Variants in RYR3 observed in about 807,000 individuals in gnomAD.
RYR3 encodes the protein brain ryanodine receptor-calcium release channel.
In RYR3, 207 loss-of-function variants were observed where a neutral mutation model predicts 584.3. That is an observed-to-expected ratio of 0.35 (90% CI 0.32 to 0.40). The LOEUF is 0.40. Among genes scored for constraint, RYR3 ranks in the 10% least tolerant of loss-of-function variants. The pLI, the probability that RYR3 is intolerant of heterozygous loss-of-function variation, is 1.00. For synonymous variants in RYR3, 2,416 were observed against 2,248.5 expected (o/e 1.07, Z -2.11); for missense variants, 5,616 against 6,089.2 (o/e 0.92, Z 2.59).
At chr15:33,809,629 TTAATG>T (rs2076406577) in intron 70 of RYR3, among the ~76,000 whole-genome samples, 1 of 134,964 alleles carries the variant, frequency 7.4e-6, no homozygotes, top group African/African-American at 2.6e-5. Context: ...TTTTTTTTTT[TTAATG>T]TTTTGTTGTT....
intron 1 of RYR3, among the ~76,000 whole-genome samples, chr15:33,329,159 G>A (rs886689568): frequency 2.0e-5 from 3 of 152,080 alleles, no homozygotes; most frequent in African/African-American, 7.2e-5. Flanking sequence ...TCTTCCCCTG[G>A]CTTACAGAAG....
chr15:33,735,839 A>G (rs2069409773), intron 48 of RYR3, among the ~76,000 whole-genome samples: 1 of 152,202 alleles, frequency 6.6e-6, no homozygotes, highest in African/African-American at 2.4e-5. Context: ...GTGGCCTCAG[A>G]TTCCACCTGT....
intron 98 of RYR3, 52 bp downstream of exon 98, chr15:33,854,964 A>G: frequency 6.6e-7 from 1 of 1,518,820 alleles, no homozygotes. Context: ...GCACAGGAAA[A>G]AAAGAACAGC....
In RYR3 at chr15:33,503,651, C is replaced by T. The variant is rs769694918; in HGVS notation, c.192C>T (p.Cys64=). 20 of 1,609,796 alleles carry T rather than the reference C, an allele frequency of 1.2e-5. No individual in the cohort carries two copies. Among genetic ancestry groups the T allele is most frequent in the East Asian group, 4.5e-5 (2 of 44,836 alleles). The change falls in exon 3 of 104, where the codon TGC becomes TGT. Residue 64 remains cysteine, a synonymous_variant. Transcript: ENST00000634891. ...SEAKYIPPDL[C]VCNFVLEQSL... ...CACAGTACATTCCTCCAGATCTCTG[C>T]GTCTGCAATTTTGTGCTGGAACAGT...
intron 44 of RYR3, 44 bp downstream of exon 44, chr15:33,722,939 GCT>G: frequency 6.8e-7 from 1 of 1,481,260 alleles, no homozygotes; most frequent in Non-Finnish European, 9.1e-7. Context: ...CGGTTGGTGA[GCT>G]CTCAGATATT....
intron 67 of RYR3, among the ~76,000 whole-genome samples, chr15:33,789,901 C>A (rs1409128232): frequency 2.0e-5 from 3 of 146,516 alleles, no homozygotes; most frequent in African/African-American, 7.6e-5. Flanking sequence ...GTTTCAAAGT[C>A]CTGAGCTCAA....
At position 33,311,018 on chromosome 15, in the gene RYR3, C is replaced by A; in HGVS notation, c.-28C>A. ...CCGGGGGAAGCAGAGGCGCCGGAGG[C>A]TGGGGCACCGCCGACGCCTCGGGAG... On this transcript the variant is annotated 5_prime_UTR_variant, in exon 1 of 104. The change creates a new upstream start codon in the 5' untranslated region. Transcript: ENST00000634891. This position sits in a 1 kb window ranked among gnomAD's most constrained non-coding sequence, Gnocchi z 4.4. 6.4e-7 allele frequency: 1 copy of A among 1,563,334 alleles called. No individual in the cohort carries two copies. Among genetic ancestry groups the A allele is most frequent in the Non-Finnish European group, 8.7e-7 (1 of 1,154,882 alleles).
intron 3 of RYR3, among the ~76,000 whole-genome samples, chr15:33,509,927 A>T (rs867643294): frequency 4.6e-5 from 7 of 152,052 alleles, no homozygotes; most frequent in African/African-American, 1.4e-4. Flanking sequence ...GCTTGACTTG[A>T]CTCTGCTTTT....
At chr15:33,319,315 C>CA (rs1968630358) in intron 1 of RYR3, among the ~76,000 whole-genome samples, 2 of 78,448 alleles carry the variant, frequency 2.5e-5, no homozygotes, top group Non-Finnish European at 5.1e-5. Context: ...CACATCATAT[C>CA]GACCAGAAGC....
chr15:33,572,928 C>T (rs951292723), intron 12 of RYR3, among the ~76,000 whole-genome samples: 8 of 152,070 alleles, frequency 5.3e-5, no homozygotes, highest in Admixed American at 3.3e-4. Flanking sequence ...GAGCCAAGAT[C>T]GTGCCGTTGC....
intron 64 of RYR3, 120 bp downstream of exon 64, chr15:33,773,735 T>C (rs926583889): frequency 1.5e-5 from 11 of 712,728 alleles, no homozygotes; most frequent in Non-Finnish European, 2.0e-5. Context: ...TGATACAGAA[T>C]GGTGGTTTTG....
intron 1 of RYR3, among the ~76,000 whole-genome samples, chr15:33,464,463 G>GATATATATATATATATATAT (rs569756898): frequency 2.5e-5 from 2 of 79,256 alleles, no homozygotes; most frequent in Non-Finnish European, 4.8e-5. Flanking sequence ...GGGAGGTGGA[G>GATATATATATATATATATAT]ATATATATAT....
At chr15:33,357,755 A>C (rs1657391838) in intron 1 of RYR3, among the ~76,000 whole-genome samples, 2 of 152,224 alleles carry the variant, frequency 1.3e-5, no homozygotes, top group Non-Finnish European at 2.9e-5. Context: ...CTGTTCCTTC[A>C]TTAATTGGAC....
intron 62 of RYR3, 82 bp downstream of exon 62, chr15:33,769,254 G>A: frequency 9.7e-7 from 1 of 1,031,372 alleles, no homozygotes; most frequent in Non-Finnish European, 1.5e-6. Context: ...CTGAAGAGAA[G>A]ACAGATCGCT....
At chr15:33,427,068 T>C (rs1430414021) in intron 1 of RYR3, among the ~76,000 whole-genome samples, 1 of 152,146 alleles carries the variant, frequency 6.6e-6, no homozygotes, top group Non-Finnish European at 1.5e-5. Context: ...AAGAGAGAGA[T>C]GCAAACGTTT....
chr15:33,776,237 G>A (rs2073985350), intron 64 of RYR3, among the ~76,000 whole-genome samples: 1 of 152,208 alleles, frequency 6.6e-6, no homozygotes, highest in Non-Finnish European at 1.5e-5. Flanking sequence ...CTGAAACAGA[G>A]TACAGACATT....
Position 33,345,807 on chromosome 15 carries a change from A to G in RYR3, c.51+34711A>G, listed in dbSNP as rs183830231. On this transcript the variant is annotated intron_variant, in intron 1 of 103. Coordinates refer to ENST00000634891, the MANE Select transcript of RYR3 (RefSeq NM_001036.6). The stretch of plus-strand genomic sequence containing the variant: ...AAAAAGAATATGCTCTGTTTACAAA[A>G]GTTTAACCATTACTGAAATCCCTAC... Among the ~76,000 whole-genome samples, 475 of 152,342 alleles carry G rather than the reference A, an allele frequency of 3.1e-3. 1 individual carries two copies. Among genetic ancestry groups the G allele is most frequent in the South Asian group, 0.012 (56 of 4,824 alleles).
At chr15:33,747,056 C>T (rs889880867) in intron 53 of RYR3, among the ~76,000 whole-genome samples, 6 of 152,056 alleles carry the variant, frequency 3.9e-5, no homozygotes, top group Non-Finnish European at 7.4e-5. Flanking sequence ...AGCAATCCTC[C>T]CACCTCGGCC....
At chr15:33,351,398 A>C (rs1973230751) in intron 1 of RYR3, among the ~76,000 whole-genome samples, 1 of 152,158 alleles carries the variant, frequency 6.6e-6, no homozygotes, top group South Asian at 2.1e-4. Flanking sequence ...AATCCTCCCT[A>C]ACTCATTTTA....
Sources: allele counts gnomAD v4.1 joint callset (sites outside exome capture counted in the v4.1 genomes callset), GRCh38; gene constraint gnomAD v4.1.1; non-coding constraint Gnocchi (gnomAD v3.1); transcripts MANE v1.5; gene names NCBI Gene and HGNC (gene_info 2026-07-23, HGNC 2026-07-21).